The following PCDH11X variants were observed in gnomAD, a reference collection of about 807,000 sequenced individuals.
PCDH11X encodes protocadherin-11 X-linked.
In PCDH11X, 18 loss-of-function variants were observed where a neutral mutation model predicts 53.3. That is an observed-to-expected ratio of 0.34 (90% CI 0.23 to 0.50). The LOEUF is 0.50. Ranked by LOEUF, PCDH11X falls within the 20% of genes least tolerant of loss-of-function variation. PCDH11X has a pLI of 0.98. For synonymous variants in PCDH11X, 279 were observed against 393.3 expected, an observed-to-expected ratio of 0.71 and a Z score of 3.44; for missense variants, 570 against 1,032.4, an observed-to-expected ratio of 0.55 and a Z score of 6.14.
intron 6 of PCDH11X, among the ~76,000 whole-genome samples, chrX:92,111,541 T>C: frequency 9.0e-6 from 1 of 110,504 alleles, no homozygotes; most frequent in South Asian, 3.9e-4. Flanking sequence ...AAGAAAAATG[T>C]ATAGGAAATT....
intron 8 of PCDH11X, among the ~76,000 whole-genome samples, chrX:92,283,271 C>A (rs1242816287): frequency 9.0e-6 from 1 of 111,125 alleles, no homozygotes; most frequent in Non-Finnish European, 1.9e-5. Context: ...TATTAATTTG[C>A]TTGCCCCTTT....
intron 6 of PCDH11X, among the ~76,000 whole-genome samples, chrX:91,948,875 G>T (rs1569271611): frequency 9.1e-6 from 1 of 110,329 alleles, no homozygotes. Context: ...AGACAGGCCA[G>T]GATGATAAGA....
chrX:92,239,182 G>C (rs1313233117), intron 7 of PCDH11X, among the ~76,000 whole-genome samples: 2 of 111,621 alleles, frequency 1.8e-5, no homozygotes, highest in African/African-American at 6.5e-5. Flanking sequence ...CAAGAAGCAA[G>C]AAGATGAAGT....
At chrX:92,154,707 C>G in intron 6 of PCDH11X, among the ~76,000 whole-genome samples, 1 of 109,861 alleles carries the variant, frequency 9.1e-6, no homozygotes, top group Non-Finnish European at 1.9e-5. Context: ...CAAAATAGCT[C>G]GCCCGGCAGG....
chrX:91,940,575 G>A (rs1004247037), intron 6 of PCDH11X, among the ~76,000 whole-genome samples: 1 of 110,837 alleles, frequency 9.0e-6, no homozygotes, highest in Non-Finnish European at 1.9e-5. Context: ...CTGTTGCCTA[G>A]TCTGGAGTGC....
chrX:92,038,402 G>A (rs1249796314), intron 6 of PCDH11X, among the ~76,000 whole-genome samples: 1 of 110,553 alleles, frequency 9.0e-6, no homozygotes, highest in Non-Finnish European at 1.9e-5. Context: ...GGCCAACATG[G>A]AACTCAGGCC....
chrX:91,870,150 C>T (rs1410396863), intron 5 of PCDH11X, among the ~76,000 whole-genome samples: 4 of 111,472 alleles, frequency 3.6e-5, no homozygotes, highest in African/African-American at 6.5e-5. Context: ...TCACTGTTCT[C>T]GTGGATATAA....
At position 92,513,684 on chromosome X, in the gene PCDH11X, T is replaced by C. The variant is rs187180189; in HGVS notation, c.3367+45362T>C. On this transcript the variant is annotated intron_variant, in intron 10 of 10. Transcript: ENST00000682573. ...TTGAAAAGTACTTTTTTTCCTTTTG[T>C]ATTGTTATTTTCATAAAGTTCTTCA... 8.0e-5 allele frequency among the ~76,000 whole-genome samples: 9 copies of C among 111,850 alleles called. No individual in the cohort carries two copies. In the East Asian group the frequency reaches 2.5e-3, roughly 31 times the overall value.
At chrX:92,123,102 T>A (rs749121908) in intron 6 of PCDH11X, among the ~76,000 whole-genome samples, 3 of 111,363 alleles carry the variant, frequency 2.7e-5, no homozygotes, top group South Asian at 3.8e-4. Flanking sequence ...TGGGGAAAGT[T>A]TATTCCTCAC....
chrX:92,460,480 C>A, intron 9 of PCDH11X: 1 of 724,988 alleles, frequency 1.4e-6, no homozygotes. Flanking sequence ...CTGGCCTCAG[C>A]AGTTTGAGGA....
chrX:92,100,547 CTGTTGTGGTGGAATGTCA>C (rs2064224102), intron 6 of PCDH11X, among the ~76,000 whole-genome samples: 1 of 110,348 alleles, frequency 9.1e-6, no homozygotes, highest in African/African-American at 3.3e-5. Flanking sequence ...ATTTACACTT[CTGTTGTGGTGGAATGTCA>C]TCAGTTAAGG....
intron 6 of PCDH11X, among the ~76,000 whole-genome samples, chrX:91,926,290 T>C (rs1195203779): frequency 9.1e-6 from 1 of 109,905 alleles, no homozygotes; most frequent in Non-Finnish European, 1.9e-5. Flanking sequence ...AAGGCCGGTA[T>C]GTTGGTTCTA....
chrX:92,520,119 A>T (rs1231669718), intron 10 of PCDH11X, among the ~76,000 whole-genome samples: 2 of 110,408 alleles, frequency 1.8e-5, no homozygotes, highest in Non-Finnish European at 3.8e-5. Context: ...AGGAATCAAC[A>T]TTAACACTTA....
At chrX:92,460,567 C>A in intron 9 of PCDH11X, 1 of 765,264 alleles carries the variant, frequency 1.3e-6, no homozygotes, top group Non-Finnish European at 2.0e-6. Flanking sequence ...GACGTACAGT[C>A]CAGTCCTTGG....
At chrX:91,807,424 C>G (rs909255310) in intron 1 of PCDH11X, among the ~76,000 whole-genome samples, 7 of 109,798 alleles carry the variant, frequency 6.4e-5, no homozygotes, top group African/African-American at 2.3e-4. Flanking sequence ...AAATTAATAT[C>G]AATAAGCTTG....
intron 10 of PCDH11X, among the ~76,000 whole-genome samples, chrX:92,531,600 C>T (rs1227393444): frequency 4.0e-5 from 3 of 74,602 alleles, no homozygotes; most frequent in Non-Finnish European, 7.8e-5. Context: ...CAGCTAAATA[C>T]TGATACTAAT....
chrX:92,429,754 T>A (rs1221989792), intron 9 of PCDH11X, among the ~76,000 whole-genome samples: 7 of 101,105 alleles, frequency 6.9e-5, no homozygotes, highest in Non-Finnish European at 1.4e-4. Flanking sequence ...TGTTGAGAAT[T>A]GCTGCCTAGT....
At chrX:92,590,788 TC>T (rs1320663783) in intron 10 of PCDH11X, among the ~76,000 whole-genome samples, 1 of 110,220 alleles carries the variant, frequency 9.1e-6, no homozygotes, top group African/African-American at 3.3e-5. Flanking sequence ...GGATGGTATC[TC>T]TGAAGAAATT....
At chrX:92,418,545 T>C (rs1318029507) in intron 9 of PCDH11X, among the ~76,000 whole-genome samples, 1 of 108,844 alleles carries the variant, frequency 9.2e-6, no homozygotes, top group Non-Finnish European at 1.9e-5. Context: ...AACTAGATTT[T>C]GATTTCATAT....
Sources: allele counts gnomAD v4.1 joint callset (sites outside exome capture counted in the v4.1 genomes callset), GRCh38; gene constraint gnomAD v4.1.1; transcripts MANE v1.5; gene names NCBI Gene and HGNC (gene_info 2026-07-23, HGNC 2026-07-21).